The following ERC2 variants were observed in gnomAD, a reference collection of about 807,000 sequenced individuals.
The protein encoded by ERC2 is ERC protein 2.
In ERC2, 42 loss-of-function variants were observed where a neutral mutation model predicts 114.8. That is an observed-to-expected ratio of 0.37 (90% confidence interval 0.29 to 0.47). The LOEUF (loss-of-function observed/expected upper bound fraction) is 0.47. Among genes scored for constraint, ERC2 ranks in the 20% least tolerant of loss-of-function variants. The probability of loss-of-function intolerance (pLI) is 0.99; values close to 1 mark genes in which losing one functional copy is unlikely to be tolerated. For missense variants in ERC2, 939 were observed against 1,150.7 expected (o/e 0.82, Z 2.66); for synonymous variants, 454 against 425.5 (o/e 1.07, Z -0.82).
intron 14 of ERC2, among the ~76,000 whole-genome samples, chr3:55,872,302 T>C (rs2062621086): frequency 6.6e-6 from 1 of 152,164 alleles, no homozygotes; most frequent in Non-Finnish European, 1.5e-5. Flanking sequence ...TTTGAGGGCT[T>C]GTGTGTTTCT....
intron 6 of ERC2, among the ~76,000 whole-genome samples, chr3:56,108,455 T>C (rs1037155028): frequency 6.6e-6 from 1 of 152,136 alleles, no homozygotes; most frequent in African/African-American, 2.4e-5. Flanking sequence ...AACCAATAAT[T>C]TTTTATAATC....
intron 3 of ERC2, among the ~76,000 whole-genome samples, chr3:56,243,965 T>C (rs1479542217): frequency 6.6e-6 from 1 of 152,110 alleles, no homozygotes; most frequent in Non-Finnish European, 1.5e-5. Flanking sequence ...GCTCAACAGG[T>C]AGGCAGGGAT....
Position 55,985,963 on chromosome 3 carries a change from C to T in ERC2, c.2267+14G>A. On this transcript the variant is annotated intron_variant, in intron 12 of 17. Transcript: ENST00000288221. The stretch of plus-strand genomic sequence containing the variant: ...GAGGGAAAGGCAGTTAGAAGAAAAA[C>T]TGAAATTACTGACCTGAGAGTCAAG... 6.5e-7 allele frequency: 1 copy of T among 1,539,336 alleles called. No individual in the cohort carries two copies. Among genetic ancestry groups the T allele is most frequent in the South Asian group, 1.2e-5 (1 of 84,120 alleles).
intron 14 of ERC2, among the ~76,000 whole-genome samples, chr3:55,739,443 A>G (rs1325191051): frequency 2.0e-5 from 3 of 152,098 alleles, no homozygotes; most frequent in African/African-American, 7.2e-5. Context: ...CTTTTTAATG[A>G]TCGCCATTCT....
intron 14 of ERC2, among the ~76,000 whole-genome samples, chr3:55,841,956 C>T (rs777928659): frequency 1.3e-4 from 20 of 152,134 alleles, no homozygotes; most frequent in Admixed American, 1.2e-3. Flanking sequence ...CACACCTGTG[C>T]TAATTAAATG....
chr3:55,659,211 T>C (rs2061010631), intron 17 of ERC2: 1 of 152,224 alleles, frequency 6.6e-6, no homozygotes, highest in Non-Finnish European at 1.5e-5. Context: ...TTGGCTGTCT[T>C]ATGCAGCAGA....
chr3:55,985,461 T>C lies in ERC2; in HGVS notation c.2267+516A>G, dbSNP rs181134812. Among the ~76,000 whole-genome samples the C allele has an allele frequency of 2.4e-3, 367 of 152,318 alleles. 1 individual carries two copies. Among genetic ancestry groups the C allele is most frequent in the Non-Finnish European group, 4.2e-3 (284 of 68,020 alleles). ...GTGTGTACAATATGTTACTAACACA[T>C]TGATAATTTTCAAAAGTGACTTTTT... On this transcript the variant is annotated intron_variant, in intron 12 of 17. Coordinates refer to ENST00000288221, the MANE Select transcript of ERC2 (RefSeq NM_015576.3).
intron 10 of ERC2, among the ~76,000 whole-genome samples, chr3:55,997,939 T>TTTTTTTTTG (rs2071721019): frequency 1.7e-5 from 2 of 116,536 alleles, no homozygotes; most frequent in African/African-American, 3.4e-5. Flanking sequence ...GTTTTTTTTT[T>TTTTTTTTTG]TTTTTTGGTA....
chr3:56,384,592 A>G (rs1045248944), intron 2 of ERC2, among the ~76,000 whole-genome samples: 1 of 152,112 alleles, frequency 6.6e-6, no homozygotes, highest in Admixed American at 6.6e-5. Flanking sequence ...TTCTTTAATT[A>G]TTCTAGATAT....
chr3:55,722,942 C>T (rs1051177122), intron 15 of ERC2, among the ~76,000 whole-genome samples: 3 of 152,134 alleles, frequency 2.0e-5, no homozygotes, highest in Admixed American at 6.5e-5. Flanking sequence ...CTTAAAACTA[C>T]CCACAAGTCT....
At chr3:55,689,604 G>C (rs763462959) in intron 16 of ERC2, among the ~76,000 whole-genome samples, 23 of 152,032 alleles carry the variant, frequency 1.5e-4, no homozygotes, top group Non-Finnish European at 2.8e-4. Flanking sequence ...ACATGACTCT[G>C]GTTCTGCCAT....
At chr3:55,782,506 A>G (rs1461182723) in intron 14 of ERC2, among the ~76,000 whole-genome samples, 1 of 152,058 alleles carries the variant, frequency 6.6e-6, no homozygotes, top group Non-Finnish European at 1.5e-5. Flanking sequence ...ATATGTTACA[A>G]CCCCAACAAG....
chr3:55,569,859 C>CTT (rs1243204822), intron 17 of ERC2, among the ~76,000 whole-genome samples: 2 of 134,778 alleles, frequency 1.5e-5, no homozygotes. Context: ...GACTTCATTT[C>CTT]TATTTTTTTT....
intron 14 of ERC2, among the ~76,000 whole-genome samples, chr3:55,857,703 G>A (rs1005421575): frequency 6.6e-5 from 10 of 152,150 alleles, no homozygotes; most frequent in Non-Finnish European, 1.0e-4. Flanking sequence ...TTTTACATAG[G>A]CTACTCAGGC....
At chr3:56,242,605 A>C (rs1020395773) in intron 3 of ERC2, among the ~76,000 whole-genome samples, 1 of 152,144 alleles carries the variant, frequency 6.6e-6, no homozygotes, top group Non-Finnish European at 1.5e-5. Context: ...TTAGATGTAA[A>C]ATTCTCAAAG....
intron 14 of ERC2, among the ~76,000 whole-genome samples, chr3:55,749,273 T>G (rs2066510209): frequency 6.6e-6 from 1 of 152,208 alleles, no homozygotes; most frequent in Non-Finnish European, 1.5e-5. Context: ...ATCTGTTGAA[T>G]GCTGAGATCA....
chr3:55,980,048 A>G (rs1156422232), intron 12 of ERC2, among the ~76,000 whole-genome samples: 1 of 149,104 alleles, frequency 6.7e-6, no homozygotes, highest in Non-Finnish European at 1.5e-5. Flanking sequence ...CTAAAACTAA[A>G]GTTCTTATGC....
intron 3 of ERC2, among the ~76,000 whole-genome samples, chr3:56,253,521 T>A (rs945635848): frequency 6.6e-6 from 1 of 152,256 alleles, no homozygotes; most frequent in Non-Finnish European, 1.5e-5. Flanking sequence ...GACTCATTTA[T>A]GTTGACAAGC....
chr3:55,643,235 T>G (rs2060260641), intron 17 of ERC2, among the ~76,000 whole-genome samples: 1 of 152,260 alleles, frequency 6.6e-6, no homozygotes, highest in Non-Finnish European at 1.5e-5. Flanking sequence ...TTAAAATTTT[T>G]TTTAAAAATC....
Sources: gnomAD v4.1 joint callset for allele counts (sites outside exome capture counted in the v4.1 genomes callset) on GRCh38, gnomAD v4.1.1 for gene constraint, MANE v1.5 for transcripts, NCBI Gene and HGNC (gene_info 2026-07-23, HGNC 2026-07-21) for gene names.